The following TSPEAR variants were observed in gnomAD, a reference collection of about 807,000 sequenced individuals.
TSPEAR encodes the protein thrombospondin type laminin G domain and EAR repeats.
In TSPEAR, 69 loss-of-function variants were observed where a neutral mutation model predicts 71.6. The observed-to-expected ratio is 0.96, with a 90% CI of 0.79 to 1.18. The LOEUF (loss-of-function observed/expected upper bound fraction) is 1.18, where lower values mean the gene tolerates loss of function less well. Among genes scored for constraint, TSPEAR ranks in the 50% most tolerant of loss-of-function variants. TSPEAR has a pLI of 0.00. For missense variants in TSPEAR, 971 were observed against 894.9 expected, an observed-to-expected ratio of 1.09 and a Z score of -1.09; for synonymous variants, 402 against 387.2, an observed-to-expected ratio of 1.04 and a Z score of -0.45.
rs114873718 is a variant in TSPEAR at position 44,593,066 on chromosome 21, G to A, written c.83-25061C>T. Among the ~76,000 whole-genome samples the A allele has an allele frequency of 9.6e-3, 1,467 of 152,252 alleles. 23 individuals carry two copies. The highest frequency in any genetic ancestry group is 0.033 in the African/African-American group (1,383 of 41,532). ...CATCCCCACAGCCTCTTCACCTCCGGCCCTGTTTCGTGTCCACCTCGTCTT... is the reference window on the plus strand; with the variant it reads ...CATCCCCACAGCCTCTTCACCTCCGACCCTGTTTCGTGTCCACCTCGTCTT... On this transcript the variant is annotated intron_variant, in intron 1 of 11. Transcript: ENST00000323084. This position sits in a 1 kb window ranked among gnomAD's most constrained non-coding sequence, Gnocchi z 5.9.
At chr21:44,540,316 T>G (rs929254405) in intron 2 of TSPEAR, 6 of 1,193,204 alleles carry the variant, frequency 5.0e-6, no homozygotes, top group Admixed American at 5.3e-5. Context: ...GTCCCCTTCC[T>G]GGTTGCTGAG....
In TSPEAR at chr21:44,567,934, G is replaced by C. The variant is rs1555921963; in HGVS notation, c.154C>G (p.Gln52Glu). ...DGATSGIRIV[Q>E]VHGARGLQLS... ...TGGAGTCCCCGTGCACCGTGAACCT[G>C]AACTATCCTGATCCCGCTTGTGGCG... The change falls in exon 2 of 12, where the codon CAG (glutamine) becomes GAG (glutamate). Residue 52 changes from glutamine to glutamate, a missense_variant. Coordinates refer to ENST00000323084, the MANE Select transcript of TSPEAR (RefSeq NM_144991.3). 1.3e-6 allele frequency: 2 copies of C among 1,599,594 alleles called. No individual in the cohort carries two copies. Among genetic ancestry groups the C allele is most frequent in the East Asian group, 2.2e-5 (1 of 44,454 alleles).
At chr21:44,608,339 C>G (rs1359906050) in intron 1 of TSPEAR, among the ~76,000 whole-genome samples, 4 of 152,162 alleles carry the variant, frequency 2.6e-5, no homozygotes, top group African/African-American at 9.7e-5. Flanking sequence ...TGACATGCAC[C>G]CCTCTCTTCC....
intron 10 of TSPEAR, among the ~76,000 whole-genome samples, chr21:44,505,557 C>T (rs2052174387): frequency 2.9e-5 from 1 of 34,054 alleles, no homozygotes; most frequent in Non-Finnish European, 1.1e-4. Context: ...AAACATCACC[C>T]CCTCCCCCCT....
intron 1 of TSPEAR, among the ~76,000 whole-genome samples, chr21:44,644,332 C>T (rs782362685): frequency 6.6e-6 from 1 of 152,128 alleles, no homozygotes; most frequent in Non-Finnish European, 1.5e-5. Context: ...ACGATGTCAC[C>T]CTAGACTTCC....
chr21:44,531,899 C>T (rs587764428), intron 3 of TSPEAR, among the ~76,000 whole-genome samples: 5 of 152,330 alleles, frequency 3.3e-5, no homozygotes, highest in East Asian at 3.9e-4. Context: ...AGCTCCTGGG[C>T]GGAAGAGCAG....
chr21:44,530,368 C>G (rs1159327845), intron 4 of TSPEAR, among the ~76,000 whole-genome samples: 1 of 151,962 alleles, frequency 6.6e-6, no homozygotes, highest in Non-Finnish European at 1.5e-5. Flanking sequence ...ATCCATCCAC[C>G]CATTCATCCA....
intron 1 of TSPEAR, chr21:44,579,947 G>A: frequency 3.7e-6 from 6 of 1,614,140 alleles, no homozygotes; most frequent in Non-Finnish European, 3.4e-6. Flanking sequence ...GCAGGAGGTG[G>A]TGCAGCAAGC....
At chr21:44,647,898 C>T (rs1005369576) in intron 1 of TSPEAR, among the ~76,000 whole-genome samples, 6 of 152,250 alleles carry the variant, frequency 3.9e-5, no homozygotes, top group Admixed American at 3.9e-4. Context: ...GCTGAGTGGG[C>T]TCGGCCTCTG....
chr21:44,628,077 G>T, intron 1 of TSPEAR: 2 of 1,593,518 alleles, frequency 1.3e-6, no homozygotes, highest in African/African-American at 1.3e-5. Flanking sequence ...GGCCAGCCGG[G>T]CTCAGGCCCC....
intron 1 of TSPEAR, among the ~76,000 whole-genome samples, chr21:44,673,543 A>T (rs1331695412): frequency 6.6e-6 from 1 of 152,228 alleles, no homozygotes; most frequent in African/African-American, 2.4e-5. Flanking sequence ...ACCATTAGAC[A>T]TATCATCCAG....
intron 1 of TSPEAR, chr21:44,654,606 G>A (rs782142295): frequency 1.3e-6 from 2 of 1,563,800 alleles, no homozygotes; most frequent in Non-Finnish European, 1.7e-6. Context: ...AGTGGCTGGT[G>A]TGGCACATGA....
intron 2 of TSPEAR, among the ~76,000 whole-genome samples, chr21:44,544,353 A>G (rs141572775): frequency 3.3e-5 from 5 of 152,318 alleles, no homozygotes; most frequent in African/African-American, 1.2e-4. Flanking sequence ...GAATGACTAC[A>G]AAGGGGCATG....
chr21:44,533,930 A>C lies in TSPEAR; in HGVS notation c.304-7T>G. The stretch of plus-strand genomic sequence containing the variant: ...TCAGCAGGTACTCGTTCCTCTGTGG[A>C]GAGCGGGCCAGGCTCAGGACGGGGC... On this transcript the variant is annotated splice_region_variant and splice_polypyrimidine_tract_variant and intron_variant, in intron 2 of 11. Transcript: ENST00000323084. The C allele has an allele frequency of 1.3e-6, 2 of 1,594,396 alleles. No individual in the cohort carries two copies. Among genetic ancestry groups the C allele is most frequent in the Non-Finnish European group, 1.7e-6 (2 of 1,168,076 alleles).
chr21:44,682,024 C>T (rs9984476), intron 1 of TSPEAR: 254,614 of 1,613,908 alleles, frequency 0.16, 20,766 homozygotes, highest in Middle Eastern at 0.17. Flanking sequence ...GGCACGCACA[C>T]GGAGGACTGG....
At chr21:44,592,061 G>A (rs1555926785) in intron 1 of TSPEAR, 3 of 1,569,206 alleles carry the variant, frequency 1.9e-6, no homozygotes, top group African/African-American at 1.5e-5. Flanking sequence ...CAAGCTGACT[G>A]GCAGCTAGAC....
intron 1 of TSPEAR, among the ~76,000 whole-genome samples, chr21:44,625,204 C>A (rs1359838957): frequency 6.6e-6 from 1 of 152,168 alleles, no homozygotes; most frequent in Non-Finnish European, 1.5e-5. Flanking sequence ...ACAAGACAAC[C>A]ACACTTCCTG....
intron 10 of TSPEAR, among the ~76,000 whole-genome samples, chr21:44,505,567 TCCC>T (rs1270275295): frequency 2.1e-3 from 18 of 8,508 alleles, no homozygotes; most frequent in Non-Finnish European, 4.1e-3. Flanking sequence ...CCCTCCCCCC[TCCC>T]CCCCCCCCCC....
At chr21:44,542,735 G>C (rs1171608127) in intron 2 of TSPEAR, among the ~76,000 whole-genome samples, 2 of 69,052 alleles carry the variant, frequency 2.9e-5, no homozygotes, top group Non-Finnish European at 5.2e-5. Context: ...AACAGAAAGA[G>C]ACCTGTTAAA....
Sources: gnomAD v4.1 joint callset for allele counts (sites outside exome capture counted in the v4.1 genomes callset) on GRCh38, gnomAD v4.1.1 for gene constraint, Gnocchi (gnomAD v3.1) non-coding constraint, MANE v1.5 for transcripts, NCBI Gene and HGNC (gene_info 2026-07-23, HGNC 2026-07-21) for gene names.